The following MYO10 variants were observed in gnomAD, a reference collection of about 807,000 sequenced individuals.
The protein encoded by MYO10 is myosin X.
In MYO10, 133 loss-of-function variants were observed where a neutral mutation model predicts 257.3. The ratio of observed to expected loss-of-function variants is 0.52; its 90% CI spans 0.45 to 0.60. The LOEUF is 0.60. Among genes scored for constraint, MYO10 ranks in the 20% least tolerant of loss-of-function variants. The probability of loss-of-function intolerance (pLI) is 0.00; values close to 1 mark genes in which losing one functional copy is unlikely to be tolerated. For synonymous variants in MYO10, 1,104 were observed against 1,028.6 expected (o/e 1.07, Z -1.40); for missense variants, 2,399 against 2,635.7 (o/e 0.91, Z 1.97).
chr5:16,873,346 A>G (rs1283245434), intron 2 of MYO10, among the ~76,000 whole-genome samples: 2 of 152,188 alleles, frequency 1.3e-5, no homozygotes, highest in African/African-American at 4.8e-5. Context: ...GTGGGTTCCC[A>G]TGGTCTTGGG....
chr5:16,710,848 G>C, intron 21 of MYO10, 60 bp downstream of exon 21: 1 of 1,422,894 alleles, frequency 7.0e-7, no homozygotes, highest in Non-Finnish European at 9.8e-7. Flanking sequence ...TAAACCCTGT[G>C]AGCATCACCC....
At chr5:16,823,564 A>C (rs1255899920) in intron 2 of MYO10, among the ~76,000 whole-genome samples, 1 of 137,952 alleles carries the variant, frequency 7.2e-6, no homozygotes, top group African/African-American at 2.7e-5. Flanking sequence ...CTCCGCCTCC[A>C]GGGTTCATGC....
intron 3 of MYO10, among the ~76,000 whole-genome samples, chr5:16,809,828 G>C (rs1742381340): frequency 1.3e-5 from 2 of 152,076 alleles, no homozygotes; most frequent in South Asian, 4.1e-4. Flanking sequence ...CTAACCAAAA[G>C]GCTGGGTGGA....
Position 16,766,099 on chromosome 5 carries a change from G to C in MYO10, c.1160C>G (p.Thr387Arg). 6.2e-7 allele frequency: 1 copy of C among 1,611,602 alleles called. No individual in the cohort carries two copies. Among genetic ancestry groups the C allele is most frequent in the South Asian group, 1.1e-5 (1 of 91,022 alleles). ...SMFLRGEEIL[T>R]PLNVQQAVDS... ...GTGTACCTGTTGAACATTGAGAGGCGTGAGGATCTCTTCTCCCCTGAGGAA... is the reference window on the plus strand; with the variant it reads ...GTGTACCTGTTGAACATTGAGAGGCCTGAGGATCTCTTCTCCCCTGAGGAA... The change falls in exon 11 of 41, where the codon ACG becomes AGG. Residue 387 changes from threonine to arginine, a missense_variant. Thr to Arg is a moderately conservative substitution (Grantham distance 71). Around this residue, in one of 3 missense-constraint regions of MYO10, gnomAD observed 337 missense variants for 446.8 expected, o/e 0.75. Coordinates refer to ENST00000513610, the MANE Select transcript of MYO10 (RefSeq NM_012334.3).
At chr5:16,818,524 C>A (rs540139723) in intron 2 of MYO10, among the ~76,000 whole-genome samples, 1 of 151,664 alleles carries the variant, frequency 6.6e-6, no homozygotes, top group Admixed American at 6.6e-5. Context: ...GCAGCCTCCA[C>A]CTCTGAGACT....
rs368225780 is a variant in MYO10 at position 16,704,566 on chromosome 5, G to A, written c.2276+13C>T. ...GAGCTTCCTGCCTTATCCCCTCAGC[G>A]TGGGGTTCTTACCGTGCTAAGAAGC... On this transcript the variant is annotated intron_variant, in intron 22 of 40. Coordinates refer to ENST00000513610, the MANE Select transcript of MYO10 (RefSeq NM_012334.3). 6.2e-6 allele frequency: 10 copies of A among 1,608,442 alleles called. No homozygotes were observed. Among genetic ancestry groups the A allele is most frequent in the Middle Eastern group, 1.6e-4 (1 of 6,082 alleles).
intron 1 of MYO10, among the ~76,000 whole-genome samples, chr5:16,908,268 C>G (rs1357982180): frequency 2.6e-5 from 4 of 152,128 alleles, no homozygotes; most frequent in South Asian, 2.1e-4. Flanking sequence ...TGGCTCACAC[C>G]TGTAATCCCA....
rs1174507776 is a variant in MYO10, at chr5:16,674,588, G to C, written c.4964+265C>G. ...GTTTTTTTTTTTTTTTTTAAATATAGAGCAGTGGTAATTAATTGATCCAAT... is the reference window on the plus strand; with the variant it reads ...GTTTTTTTTTTTTTTTTTAAATATACAGCAGTGGTAATTAATTGATCCAAT... On this transcript the variant is annotated intron_variant, in intron 35 of 40. Coordinates refer to ENST00000513610, the MANE Select transcript of MYO10 (RefSeq NM_012334.3). 4.1e-5 allele frequency among the ~76,000 whole-genome samples: 6 copies of C among 145,316 alleles called. No individual in the cohort carries two copies. The South Asian group carries it at 6.5e-4, about 16-fold the overall frequency.
intron 18 of MYO10, among the ~76,000 whole-genome samples, chr5:16,756,656 G>A (rs542727088): frequency 3.3e-5 from 5 of 152,208 alleles, no homozygotes; most frequent in South Asian, 2.1e-4. Flanking sequence ...TGTCCTGTCC[G>A]GCTGGTGTTC....
At chr5:16,863,636 A>G (rs1334587589) in intron 2 of MYO10, among the ~76,000 whole-genome samples, 1 of 152,242 alleles carries the variant, frequency 6.6e-6, no homozygotes, top group Non-Finnish European at 1.5e-5. Flanking sequence ...ATACTTTAAA[A>G]TAAGATTCTG....
intron 25 of MYO10, among the ~76,000 whole-genome samples, chr5:16,700,737 C>T (rs1191670614): frequency 6.6e-6 from 1 of 152,194 alleles, no homozygotes; most frequent in Non-Finnish European, 1.5e-5. Context: ...TTGGGCACAG[C>T]TCAGCTCTAG....
At chr5:16,712,050 T>G (rs1030277600) in intron 19 of MYO10, among the ~76,000 whole-genome samples, 2 of 150,494 alleles carry the variant, frequency 1.3e-5, no homozygotes, top group Non-Finnish European at 2.9e-5. Context: ...TAAAGTCATT[T>G]TTTACCTAAG....
chr5:16,672,863 T>C (rs753554520), intron 36 of MYO10, 38 bp from the exon 37 acceptor site: 1 of 1,601,476 alleles, frequency 6.2e-7, no homozygotes, highest in African/African-American at 1.3e-5. Context: ...TTCCACAGGC[T>C]GCGGCCCCAA....
intron 30 of MYO10, among the ~76,000 whole-genome samples, chr5:16,683,542 G>A (rs761649409): frequency 2.0e-5 from 3 of 152,146 alleles, no homozygotes; most frequent in African/African-American, 4.8e-5. Context: ...CTTCCCCTTT[G>A]CTGGAATATC....
chr5:16,707,287 A>C lies in MYO10; in HGVS notation c.2170-2602T>G, dbSNP rs77193802. ...GCAGTGTGAGAACAGACTAATACAG[A>C]AAGTGTTTCTGTGAGCCCTTGTGTC... is the stretch of plus-strand genomic sequence containing the variant. On this transcript the variant is annotated intron_variant, in intron 21 of 40. Coordinates refer to ENST00000513610, the MANE Select transcript of MYO10 (RefSeq NM_012334.3). 5.0e-3 allele frequency among the ~76,000 whole-genome samples: 761 copies of C among 152,292 alleles called. 10 individuals are homozygous for C. Among genetic ancestry groups the C allele is most frequent in the African/African-American group, 0.017 (695 of 41,554 alleles).
intron 21 of MYO10, among the ~76,000 whole-genome samples, chr5:16,707,538 T>C (rs1561198404): frequency 1.3e-5 from 2 of 152,232 alleles, no homozygotes; most frequent in East Asian, 3.8e-4. Context: ...TCTAGTACAC[T>C]GTCTTTATAA....
chr5:16,672,867 GCC>G (rs1561168611), intron 36 of MYO10, 42 bp from the exon 37 acceptor site: 1 of 1,596,214 alleles, frequency 6.3e-7, no homozygotes, highest in South Asian at 1.1e-5. Flanking sequence ...ACAGGCTGCG[GCC>G]CCAACACGTG....
chr5:16,702,523 G>C lies in MYO10; in HGVS notation c.2556+20C>G. The C allele has an allele frequency of 6.3e-7, 1 of 1,585,278 alleles. No individual in the cohort carries two copies. The highest frequency in any genetic ancestry group is 8.6e-7 in the Non-Finnish European group (1 of 1,164,744). On this transcript the variant is annotated intron_variant, in intron 24 of 40. Transcript: ENST00000513610. ...AGGAAGTAGAAACACAAGAGGCTAAGTTGTCACTGCACTCATTACCTGCTG... is the reference window on the plus strand; with the variant it reads ...AGGAAGTAGAAACACAAGAGGCTAACTTGTCACTGCACTCATTACCTGCTG...
chr5:16,872,352 G>A (rs929034845), intron 2 of MYO10, among the ~76,000 whole-genome samples: 7 of 152,288 alleles, frequency 4.6e-5, no homozygotes, highest in African/African-American at 1.7e-4. Flanking sequence ...AAAGTCATAG[G>A]AACAGAAAGA....
Sources: gnomAD v4.1 joint callset for allele counts (sites outside exome capture counted in the v4.1 genomes callset) on GRCh38, gnomAD v4.1.1 for gene constraint, gnomAD v4.1.1 regional missense constraint, MANE v1.5 for transcripts, NCBI Gene and HGNC (gene_info 2026-07-23, HGNC 2026-07-21) for gene names.